The following DPP3 variants were observed in gnomAD, a reference collection of about 807,000 sequenced individuals.
DPP3 encodes DPP III.
In DPP3, 64 loss-of-function variants were observed where a neutral mutation model predicts 89.8. The observed-to-expected ratio is 0.71, with a 90% CI of 0.58 to 0.88. The LOEUF (loss-of-function observed/expected upper bound fraction) is 0.88, where lower values mean the gene tolerates loss of function less well. Ranked by LOEUF, DPP3 falls within the 40% of genes least tolerant of loss-of-function variation. DPP3 has a pLI of 0.00. For synonymous variants in DPP3, 377 were observed against 404.3 expected, an observed-to-expected ratio of 0.93 and a Z score of 0.81; for missense variants, 835 against 972.5, an observed-to-expected ratio of 0.86 and a Z score of 1.88.
intron 17 of DPP3, among the ~76,000 whole-genome samples, chr11:66,505,495 C>G (rs989379946): frequency 7.2e-5 from 11 of 152,196 alleles, no homozygotes; most frequent in African/African-American, 2.7e-4. Context: ...GGACTGCTTG[C>G]TGATGTTATC....
rs1157079703 is a variant in DPP3, at chr11:66,487,944, A to C, written c.604A>C (p.Lys202Gln). ...CAGTGCCTACAACACCCGGCTCTTC[A>C]AAGAGGTCGATGGAGAAGGGAAGCC... ...NLSAYNTRLF[K>Q]EVDGEGKPYY... The change falls in exon 6 of 18, where the codon AAA (lysine) becomes CAA (glutamine). Residue 202 changes from lysine to glutamine, a missense_variant. Lys to Gln is a moderately conservative substitution (Grantham distance 53). Transcript: ENST00000531863. 5.0e-6 allele frequency: 8 copies of C among 1,614,038 alleles called. No homozygotes were observed. The highest frequency in any genetic ancestry group is 6.8e-6 in the Non-Finnish European group (8 of 1,179,982).
At chr11:66,485,769 A>G (rs980343493) in intron 3 of DPP3, among the ~76,000 whole-genome samples, 1 of 152,096 alleles carries the variant, frequency 6.6e-6, no homozygotes, top group African/African-American at 2.4e-5. Context: ...TCTTTGAGAC[A>G]GGGTCTTGCT....
intron 17 of DPP3, among the ~76,000 whole-genome samples, chr11:66,506,416 G>A (rs943458538): frequency 2.0e-5 from 3 of 147,790 alleles, no homozygotes; most frequent in African/African-American, 7.6e-5. Flanking sequence ...CGCCATGCCC[G>A]GCTAATTTTT....
chr11:66,484,777 CAT>C (rs1415191663), intron 2 of DPP3, among the ~76,000 whole-genome samples: 3 of 149,656 alleles, frequency 2.0e-5, no homozygotes, highest in African/African-American at 4.9e-5. Flanking sequence ...CCGGCTCTAA[CAT>C]GTGATGCTTC....
intron 6 of DPP3, among the ~76,000 whole-genome samples, 170 bp downstream of exon 6, chr11:66,488,177 T>C (rs906293598): frequency 2.6e-5 from 4 of 152,214 alleles, no homozygotes; most frequent in African/African-American, 9.6e-5. Flanking sequence ...GTCCCCTATT[T>C]GTCTGTGAAC....
chr11:66,492,933 C>T, intron 10 of DPP3, 23 bp downstream of exon 10: 1 of 1,598,744 alleles, frequency 6.3e-7, no homozygotes, highest in Non-Finnish European at 8.5e-7. Context: ...GGCCCAGCCC[C>T]CGAGCCCCAG....
chr11:66,496,556 A>C (rs1855544671), intron 15 of DPP3, among the ~76,000 whole-genome samples: 1 of 151,960 alleles, frequency 6.6e-6, no homozygotes, highest in Admixed American at 6.6e-5. Flanking sequence ...CTAGGATTAC[A>C]GGCATGCACC....
At chr11:66,486,389 T>G in intron 3 of DPP3, 151 bp from the exon 4 acceptor site, 1 of 996,204 alleles carries the variant, frequency 1.0e-6, no homozygotes, top group East Asian at 3.0e-5. Flanking sequence ...CGCTTGACAT[T>G]TCTCAGGACC....
chr11:66,493,466 A>T (rs1590739088), intron 11 of DPP3, 75 bp from the exon 12 acceptor site: 1 of 1,486,934 alleles, frequency 6.7e-7, no homozygotes, highest in Non-Finnish European at 9.2e-7. Context: ...TCCATGGCCC[A>T]GGGGAGGGGA....
Position 66,480,465 on chromosome 11 carries a change from G to A in DPP3, c.-9G>A, listed in dbSNP as rs2134711006. ...GTTTGCGAACGGAGCAGCTGCTGCA[G>A]GTGAGGCGCGGCGCCTGGGCTTTTG... On this transcript the variant is annotated splice_region_variant and 5_prime_UTR_variant, in exon 1 of 18. Transcript: ENST00000531863. 6.7e-7 allele frequency: 1 copy of A among 1,490,272 alleles called. No individual in the cohort carries two copies. The highest frequency in any genetic ancestry group is 1.3e-5 in the South Asian group (1 of 79,028). The allele number at this position is 1,490,272 out of a possible 1,614,324, so 92.3% of individuals were successfully genotyped here. A position where few individuals can be genotyped will look rare whatever the true frequency, so the allele number is the denominator to read the frequency against.
In DPP3 at chr11:66,486,563, AGG is replaced by A; in HGVS notation, c.386_387del (p.Gly129GlufsTer2). On this transcript the variant is annotated frameshift_variant, in exon 4 of 18. Coordinates refer to ENST00000531863, the MANE Select transcript of DPP3 (RefSeq NM_130443.4). LOFTEE classifies it high-confidence loss of function. Reference protein sequence around the residue: ...PKEKLERVILGSEAAQQHPEE... With the variant: ...PKEKLERVILXSEAAQQHPEE... The stretch of plus-strand genomic sequence containing the variant: ...AGGAAAAGCTGGAACGGGTGATCCT[AGG>A]GAGTGAGGCTGCTCAGCAGCACCCA... 1 of 1,552,822 alleles carries A rather than the reference AGG, an allele frequency of 6.4e-7. No homozygotes were observed. The highest frequency in any genetic ancestry group is 2.5e-5 in the East Asian group (1 of 40,812).
In DPP3 at chr11:66,491,729, C is replaced by T; in HGVS notation, c.961C>T (p.Pro321Ser). The change falls in exon 9 of 18, where the codon CCC becomes TCC. Residue 321 changes from proline (P) to serine (S), a missense_variant. Coordinates refer to ENST00000531863, the MANE Select transcript of DPP3 (RefSeq NM_130443.4). ...CGGGTTCATCGAGAGCTACCGCGACCCCTTTGGTTCCCGAGGAGAATTTGA... is the reference window on the plus strand; with the variant it reads ...CGGGTTCATCGAGAGCTACCGCGACTCCTTTGGTTCCCGAGGAGAATTTGA... ...YIGFIESYRDPFGSRGEFEGF... is the reference protein window; with the variant it reads ...YIGFIESYRDSFGSRGEFEGF... 6.2e-7 allele frequency: 1 copy of T among 1,613,768 alleles called. No homozygotes were observed. The highest frequency in any genetic ancestry group is 8.5e-7 in the Non-Finnish European group (1 of 1,179,888).
At chr11:66,505,716 C>T (rs1855782395) in intron 17 of DPP3, among the ~76,000 whole-genome samples, 1 of 151,572 alleles carries the variant, frequency 6.6e-6, no homozygotes, top group South Asian at 2.1e-4. Context: ...GGCATGGTGG[C>T]CCCTGCCTAT....
chr11:66,482,297 T>C lies in DPP3; in HGVS notation c.97T>C (p.Tyr33His). Residue 33 changes from tyrosine (Y) to histidine (H), a missense_variant, in exon 2 of 18, where the codon TAT becomes CAT. Tyr to His is a moderately conservative substitution (Grantham distance 83, BLOSUM62 2). Transcript: ENST00000531863. ...CCTGCTGTCACCCACAGAGCGCCTC[T>C]ATGCCTACCACCTGTCCCGTGCCGC... Reference protein sequence around the residue: ...FRLLSPTERLYAYHLSRAAWY... With the variant: ...FRLLSPTERLHAYHLSRAAWY... 1.1e-5 allele frequency: 18 copies of C among 1,614,142 alleles called. No homozygotes were observed. Among genetic ancestry groups the C allele is most frequent in the Non-Finnish European group, 1.5e-5 (18 of 1,180,038 alleles).
At chr11:66,493,843 C>A (rs1218708214) in intron 12 of DPP3, among the ~76,000 whole-genome samples, 1 of 152,078 alleles carries the variant, frequency 6.6e-6, no homozygotes. Flanking sequence ...CCTGGGTGTA[C>A]ATCTGGGGCT....
intron 5 of DPP3, among the ~76,000 whole-genome samples, chr11:66,487,556 C>G (rs189417507): frequency 6.6e-6 from 1 of 152,124 alleles, no homozygotes; most frequent in Non-Finnish European, 1.5e-5. Context: ...TGTGAGGCTC[C>G]GGGGTCCATG....
intron 6 of DPP3, among the ~76,000 whole-genome samples, chr11:66,490,747 G>T (rs576278033): frequency 6.6e-6 from 1 of 151,018 alleles, no homozygotes; most frequent in African/African-American, 2.4e-5. Context: ...TTAGTTTTGG[G>T]GTTTTGTTTT....
At position 66,480,477 on chromosome 11, in the gene DPP3, C is replaced by T; in HGVS notation, c.-9+12C>T. On this transcript the variant is annotated intron_variant, in intron 1 of 17. Transcript: ENST00000531863. ...AGCAGCTGCTGCAGGTGAGGCGCGGCGCCTGGGCTTTTGGGGTCAAAGCGT... is the reference window on the plus strand; with the variant it reads ...AGCAGCTGCTGCAGGTGAGGCGCGGTGCCTGGGCTTTTGGGGTCAAAGCGT... 6.7e-7 allele frequency: 1 copy of T among 1,486,806 alleles called. No homozygotes were observed. The highest frequency in any genetic ancestry group is 8.9e-7 in the Non-Finnish European group (1 of 1,126,114). The allele number at this position is 1,486,806 out of a possible 1,614,324, so 92.1% of individuals were successfully genotyped here.
chr11:66,481,646 C>A (rs1021445311), intron 1 of DPP3, among the ~76,000 whole-genome samples: 1 of 151,780 alleles, frequency 6.6e-6, no homozygotes, highest in Admixed American at 6.6e-5. Flanking sequence ...TAGTTAGAGT[C>A]AATCAATTTT....
Sources: allele counts gnomAD v4.1 joint callset (sites outside exome capture counted in the v4.1 genomes callset), GRCh38; gene constraint gnomAD v4.1.1; transcripts MANE v1.5; gene names NCBI Gene and HGNC (gene_info 2026-07-23, HGNC 2026-07-21).